The following ARL10 variants were observed in gnomAD, a reference collection of about 807,000 sequenced individuals.
ARL10 encodes ADP-ribosylation factor-like protein 10.
Under a neutral mutation model 26.1 loss-of-function variants are expected in ARL10, and 23 were observed. The ratio of observed to expected loss-of-function variants is 0.88; its 90% CI spans 0.63 to 1.25. The LOEUF (loss-of-function observed/expected upper bound fraction) is 1.25, where lower values mean the gene tolerates loss of function less well. Ranked by LOEUF, ARL10 falls within the 50% of genes most tolerant of loss-of-function variation. The pLI is 0.00. For synonymous variants in ARL10, 138 were observed against 149.1 expected (o/e 0.93, Z 0.54); for missense variants, 300 against 323.6 (o/e 0.93, Z 0.56).
At chr5:176,383,250 C>T (rs942284353), downstream of ARL10, among the ~76,000 whole-genome samples, 3 of 152,176 alleles carry the variant, frequency 2.0e-5, no homozygotes, top group Non-Finnish European at 4.4e-5. Context: ...TTTTTGAGAA[C>T]GAGCGACAAG....
intron 1 of ARL10, among the ~76,000 whole-genome samples, chr5:176,398,813 A>C (rs1013314495): frequency 1.3e-5 from 2 of 152,016 alleles, no homozygotes; most frequent in Middle Eastern, 3.4e-3. Flanking sequence ...GGTTGTATTA[A>C]CTCCTAACAC....
At chr5:176,385,312 G>C (rs1215551465), downstream of ARL10, 1 of 1,605,120 alleles carries the variant, frequency 6.2e-7, no homozygotes, top group Admixed American at 1.7e-5. Context: ...TGGAAGGCTG[G>C]CTTCTGCCTC....
rs1768611011 is a variant in ARL10, at chr5:176,373,555, C to T, written c.*1660C>T. On this transcript the variant is annotated 3_prime_UTR_variant, in exon 4 of 4. Coordinates refer to ENST00000310389, the MANE Select transcript of ARL10 (RefSeq NM_173664.6). ...ACCGTGACCAGTGTAAGAAGAGGAA[C>T]TATGATAAAAACAGTTCAACAAGCC... 6.6e-6 allele frequency: 1 copy of T among 152,322 alleles called. No homozygotes were observed. Among genetic ancestry groups the T allele is most frequent in the South Asian group, 2.1e-4 (1 of 4,828 alleles). The allele number at this position is 152,322 out of a possible 1,614,324, so 9.4% of individuals were successfully genotyped here.
At chr5:176,383,998 A>C (rs1015894147), downstream of ARL10, 1 of 1,535,756 alleles carries the variant, frequency 6.5e-7, no homozygotes, top group African/African-American at 1.4e-5. Flanking sequence ...ACCCACCCTG[A>C]AAACAGCAGG....
chr5:176,408,813 C>T, the ARL10 span, among the ~76,000 whole-genome samples: 2 of 152,202 alleles, frequency 1.3e-5, no homozygotes, highest in Non-Finnish European at 2.9e-5. Context: ...AGCCGCCGTG[C>T]CCGGCTGGGT....
In ARL10 at chr5:176,373,258, T is replaced by C; in HGVS notation, c.*1363T>C. On this transcript the variant is annotated 3_prime_UTR_variant, in exon 4 of 4. Coordinates refer to ENST00000310389, the MANE Select transcript of ARL10 (RefSeq NM_173664.6). ...CAATTTTTCCCCAGTGAAAGCCAAGTTGGACTGAATTTCTGGAGTTCTCAT... is the reference window on the plus strand; with the variant it reads ...CAATTTTTCCCCAGTGAAAGCCAAGCTGGACTGAATTTCTGGAGTTCTCAT... The C allele has an allele frequency of 2.6e-6, 1 of 387,532 alleles. No individual in the cohort carries two copies. Among genetic ancestry groups the C allele is most frequent in the Non-Finnish European group, 4.6e-6 (1 of 219,564 alleles). The allele number at this position is 387,532 out of a possible 1,614,324, so 24.0% of individuals were successfully genotyped here. A position where few individuals can be genotyped will look rare whatever the true frequency, so the allele number is the denominator to read the frequency against.
chr5:176,377,320 TG>T lies in ARL10; in HGVS notation c.*5427del, dbSNP rs1768712543. 1 of 152,232 alleles carries T rather than the reference TG, an allele frequency of 6.6e-6. No homozygotes were observed. The highest frequency in any genetic ancestry group is 2.4e-5 in the African/African-American group (1 of 41,464). 9.4% of individuals were successfully genotyped at this position (152,232 alleles called of 1,614,324 possible). On this transcript the variant is annotated 3_prime_UTR_variant, in exon 4 of 4. Coordinates refer to ENST00000310389, the MANE Select transcript of ARL10 (RefSeq NM_173664.6). The surrounding 1 kb of genome is among the most constrained non-coding windows in gnomAD (Gnocchi z 4.5). ...AGAAGACTGAGGGTGAAAGGGACAA[TG>T]GTAGTACCACTGTGTTTCTAACACT...
At chr5:176,394,404 G>A (rs1462956726) in intron 1 of ARL10, among the ~76,000 whole-genome samples, 1 of 152,252 alleles carries the variant, frequency 6.6e-6, no homozygotes, top group Non-Finnish European at 1.5e-5. Flanking sequence ...GGGCGCAGTG[G>A]CTCACTCCTG....
rs1768638504 is a variant in ARL10, at chr5:176,374,726, C to G, written c.*2831C>G. Reference sequence around the variant, plus strand: ...ATTTTTTAGTTAGCTTTTGGTAACACAAGTCATGGTGATTGGGATACCCAC... The same window carrying G: ...ATTTTTTAGTTAGCTTTTGGTAACAGAAGTCATGGTGATTGGGATACCCAC... On this transcript the variant is annotated 3_prime_UTR_variant, in exon 4 of 4. Coordinates refer to ENST00000310389, the MANE Select transcript of ARL10 (RefSeq NM_173664.6). 1 of 152,192 alleles carries G rather than the reference C, an allele frequency of 6.6e-6. No individual in the cohort carries two copies. Among genetic ancestry groups the G allele is most frequent in the Non-Finnish European group, 1.5e-5 (1 of 68,026 alleles). The allele number at this position is 152,192 out of a possible 1,614,324, so 9.4% of individuals were successfully genotyped here.
downstream of ARL10, chr5:176,383,970 A>G (rs756633514): frequency 7.2e-6 from 11 of 1,526,044 alleles, no homozygotes; most frequent in Non-Finnish European, 9.6e-6. Context: ...TTTATTATGT[A>G]CACACTATAT....
In ARL10 at chr5:176,377,543, T is replaced by A. The variant is rs1447342999; in HGVS notation, c.*5648T>A. The A allele has an allele frequency of 6.6e-6, 1 of 152,222 alleles. No homozygotes were observed. Among genetic ancestry groups the A allele is most frequent in the Non-Finnish European group, 1.5e-5 (1 of 68,036 alleles). 9.4% of individuals were successfully genotyped at this position (152,222 alleles called of 1,614,324 possible). On this transcript the variant is annotated 3_prime_UTR_variant, in exon 4 of 4. Coordinates refer to ENST00000310389, the MANE Select transcript of ARL10 (RefSeq NM_173664.6). This position sits in a 1 kb window ranked among gnomAD's most constrained non-coding sequence, Gnocchi z 4.5. Reference sequence around the variant, plus strand: ...ATTACAAGAACATACTGATACTTAATTGAGGGTGGCAGTTGAATGAAGTCC... The same window carrying A: ...ATTACAAGAACATACTGATACTTAAATGAGGGTGGCAGTTGAATGAAGTCC...
In ARL10 at chr5:176,373,266, A is replaced by C; in HGVS notation, c.*1371A>C. ...CCCCAGTGAAAGCCAAGTTGGACTGAATTTCTGGAGTTCTCATCAGTGCAC... is the reference window on the plus strand; with the variant it reads ...CCCCAGTGAAAGCCAAGTTGGACTGCATTTCTGGAGTTCTCATCAGTGCAC... On this transcript the variant is annotated 3_prime_UTR_variant, in exon 4 of 4. Coordinates refer to ENST00000310389, the MANE Select transcript of ARL10 (RefSeq NM_173664.6). 1 of 385,084 alleles carries C rather than the reference A, an allele frequency of 2.6e-6. No homozygotes were observed. Among genetic ancestry groups the C allele is most frequent in the Non-Finnish European group, 4.6e-6 (1 of 217,970 alleles). The allele number at this position is 385,084 out of a possible 1,614,324, so 23.9% of individuals were successfully genotyped here. A position where few individuals can be genotyped will look rare whatever the true frequency, so the allele number is the denominator to read the frequency against.
chr5:176,375,143 T>TCCACTCAC lies in ARL10; in HGVS notation c.*3252_*3253insTCACCCAC, dbSNP rs1768652296. On this transcript the variant is annotated 3_prime_UTR_variant, in exon 4 of 4. Transcript: ENST00000310389. Reference sequence around the variant, plus strand: ...GTCCACCCGTCCACCCGTCCACCCATCCACCCACCCACCCATCCATCCACC... The same window carrying TCCACTCAC: ...GTCCACCCGTCCACCCGTCCACCCATCCACTCACCCACCCACCCACCCATCCATCCACC... 1 of 95,868 alleles carries TCCACTCAC rather than the reference T, an allele frequency of 1.0e-5. No homozygotes were observed. Among genetic ancestry groups the TCCACTCAC allele is most frequent in the African/African-American group, 4.3e-5 (1 of 23,298 alleles). The allele number at this position is 95,868 out of a possible 1,614,324, so 5.9% of individuals were successfully genotyped here.
At chr5:176,390,906 A>C (rs1433871793), downstream of ARL10, among the ~76,000 whole-genome samples, 2 of 152,156 alleles carry the variant, frequency 1.3e-5, no homozygotes, top group Non-Finnish European at 2.9e-5. Context: ...CACACTCTAG[A>C]AGAGAGGTGA....
At chr5:176,396,367 T>C in intron 1 of ARL10, 1 of 993,638 alleles carries the variant, frequency 1.0e-6, no homozygotes. Flanking sequence ...GTTCTGACCA[T>C]TGCTCCGAGC....
In ARL10 at chr5:176,401,778, G is replaced by A. The variant is rs561180425; in HGVS notation, c.*26G>A. The A allele has an allele frequency of 1.2e-4, 55 of 456,058 alleles. No individual in the cohort carries two copies. In the Middle Eastern group the frequency reaches 1.3e-3, roughly 11 times the overall value. 28.3% of individuals were successfully genotyped at this position (456,058 alleles called of 1,614,324 possible). The stretch of plus-strand genomic sequence containing the variant: ...AAACAGCGACACTGAACAATTTCCC[G>A]AGGGTGCTGAGGCCCCAGCCTCCTG... On this transcript the variant is annotated 3_prime_UTR_variant, in exon 2 of 2. Coordinates refer to the ARL10 transcript ENST00000514533.
At chr5:176,384,922 T>C (rs1291582472), downstream of ARL10, 3 of 551,778 alleles carry the variant, frequency 5.4e-6, no homozygotes, top group East Asian at 2.8e-5. Context: ...AAGCCAAAAA[T>C]AGACTTCCAT....
chr5:176,392,817 C>T (rs1756318775), downstream of ARL10: 11 of 1,614,110 alleles, frequency 6.8e-6, no homozygotes, highest in Admixed American at 6.7e-5. The surrounding 1 kb of genome is among the most constrained non-coding windows in gnomAD (Gnocchi z 5.2). Flanking sequence ...GAGCACCGAG[C>T]GCAGGCGGGA....
chr5:176,394,659 C>T (rs1429053845), intron 1 of ARL10, among the ~76,000 whole-genome samples: 1 of 151,546 alleles, frequency 6.6e-6, no homozygotes, highest in South Asian at 2.1e-4. Flanking sequence ...CTAAAAAATA[C>T]ACAAAATTAG....
Sources: allele counts gnomAD v4.1 joint callset (sites outside exome capture counted in the v4.1 genomes callset), GRCh38; gene constraint gnomAD v4.1.1; non-coding constraint Gnocchi (gnomAD v3.1); transcripts MANE v1.5; gene names NCBI Gene and HGNC (gene_info 2026-07-23, HGNC 2026-07-21).